Variants in GRIK1 observed in about 807,000 individuals in gnomAD.
GRIK1 encodes glutamate receptor ionotropic, kainate 1.
A neutral mutation model predicts 105.7 loss-of-function variants in GRIK1; 69 were observed. The observed-to-expected ratio is 0.65, with a 90% CI of 0.54 to 0.80. The LOEUF is 0.80. Ranked by LOEUF, GRIK1 falls within the 30% of genes least tolerant of loss-of-function variation. The pLI is 0.00. For missense variants in GRIK1, 1,109 were observed against 1,167.3 expected (o/e 0.95, Z 0.73); for synonymous variants, 438 against 431.3 (o/e 1.02, Z -0.19).
chr21:29,642,875 C>CT lies in GRIK1; in HGVS notation c.1048dup (p.Arg350LysfsTer3). On this transcript the variant is annotated frameshift_variant, in exon 7 of 18. Transcript: ENST00000327783. LOFTEE classifies it high-confidence loss of function. ...GGGTCCGAGGCGCCATGGCTTATGT[C>CT]TATGGCACTGCAGGGAGCTGACGGT... The CT allele has an allele frequency of 6.2e-7, 1 of 1,614,098 alleles. No homozygotes were observed. The highest frequency in any genetic ancestry group is 8.5e-7 in the Non-Finnish European group (1 of 1,179,942).
At chr21:29,665,507 C>A (rs1345211515) in intron 4 of GRIK1, among the ~76,000 whole-genome samples, 2 of 152,176 alleles carry the variant, frequency 1.3e-5, no homozygotes, top group Non-Finnish European at 2.9e-5. Flanking sequence ...ATGAACTTAT[C>A]AATTAACTGG....
chr21:29,745,968 G>C (rs967868878), intron 1 of GRIK1, among the ~76,000 whole-genome samples: 1 of 152,214 alleles, frequency 6.6e-6, no homozygotes, highest in African/African-American at 2.4e-5. Context: ...GCCAGGTGTG[G>C]TGGCGGGCGC....
intron 1 of GRIK1, among the ~76,000 whole-genome samples, chr21:29,700,584 C>G (rs1413914720): frequency 6.6e-6 from 1 of 152,132 alleles, no homozygotes; most frequent in Non-Finnish European, 1.5e-5. Flanking sequence ...ATGCCTGGCT[C>G]TAGGTCTCAC....
At chr21:29,879,538 C>T (rs1343365556) in intron 1 of GRIK1, among the ~76,000 whole-genome samples, 1 of 151,820 alleles carries the variant, frequency 6.6e-6, no homozygotes, top group Non-Finnish European at 1.5e-5. Flanking sequence ...TATTTTCTTT[C>T]CTATTTTTGT....
rs1399125298 is a variant in GRIK1 at position 29,673,005 on chromosome 21, G to C, written c.704C>G (p.Thr235Arg). The C allele has an allele frequency of 1.9e-6, 3 of 1,612,510 alleles. No individual in the cohort carries two copies. The highest frequency in any genetic ancestry group is 2.5e-6 in the Non-Finnish European group (3 of 1,179,062). ...FYVIFDCSHE[T>R]AAEILKQILF... is the part of the protein sequence containing the mutation. ...TACCTGCTTAAGGATTTCAGCGGCTGTTTCATGTGAACAATCAAATATCAC... is the reference window on the plus strand; with the variant it reads ...TACCTGCTTAAGGATTTCAGCGGCTCTTTCATGTGAACAATCAAATATCAC... The change falls in exon 4 of 18, where the codon ACA becomes AGA. Residue 235 changes from threonine to arginine, a missense_variant. Thr to Arg is a moderately conservative substitution (Grantham distance 71). Around this residue, in one of 5 missense-constraint regions of GRIK1, gnomAD observed 612 missense variants for 586.0 expected, o/e 1.04. Coordinates refer to ENST00000327783, the MANE Select transcript of GRIK1 (RefSeq NM_001330994.2).
intron 7 of GRIK1, among the ~76,000 whole-genome samples, chr21:29,618,366 G>T (rs2061900357): frequency 6.6e-6 from 1 of 152,146 alleles, no homozygotes; most frequent in Non-Finnish European, 1.5e-5. Flanking sequence ...AAAGTAGATG[G>T]TGGTGTGGAT....
chr21:29,566,392 T>G (rs1042946886), intron 14 of GRIK1, among the ~76,000 whole-genome samples: 13 of 152,216 alleles, frequency 8.5e-5, no homozygotes, highest in Admixed American at 8.5e-4. Context: ...GGATTTTTTC[T>G]TTTTAATCCT....
intron 1 of GRIK1, among the ~76,000 whole-genome samples, chr21:29,835,912 C>A (rs995731713): frequency 6.6e-6 from 1 of 152,140 alleles, no homozygotes; most frequent in Non-Finnish European, 1.5e-5. Flanking sequence ...GTAACCTGTT[C>A]CTCAACAGCA....
chr21:29,719,324 C>G (rs80027833), intron 1 of GRIK1, among the ~76,000 whole-genome samples: 2 of 151,484 alleles, frequency 1.3e-5, no homozygotes. Flanking sequence ...TATCACCCAC[C>G]CAAGACTTGA....
intron 1 of GRIK1, among the ~76,000 whole-genome samples, chr21:29,755,908 A>G (rs930996516): frequency 2.6e-5 from 4 of 152,178 alleles, no homozygotes; most frequent in Admixed American, 6.5e-5. Context: ...GAGCTGGCTT[A>G]GGTATTAGGG....
intron 1 of GRIK1, among the ~76,000 whole-genome samples, chr21:29,916,927 T>G (rs1374025182): frequency 6.6e-6 from 1 of 151,956 alleles, no homozygotes; most frequent in Non-Finnish European, 1.5e-5. Context: ...TTATGTAACA[T>G]TATAGATACA....
chr21:29,544,993 G>A (rs1390986199), intron 16 of GRIK1, among the ~76,000 whole-genome samples: 1 of 152,238 alleles, frequency 6.6e-6, no homozygotes, highest in African/African-American at 2.4e-5. Flanking sequence ...TCTGTCTCAG[G>A]CATTCAGAAG....
At chr21:29,919,220 C>A (rs2071107575) in intron 1 of GRIK1, among the ~76,000 whole-genome samples, 1 of 152,044 alleles carries the variant, frequency 6.6e-6, no homozygotes, top group African/African-American at 2.4e-5. Flanking sequence ...CTTGCACTGG[C>A]CAAAAGCAAT....
intron 1 of GRIK1, among the ~76,000 whole-genome samples, chr21:29,801,470 G>GA (rs547865612): frequency 2.0e-5 from 3 of 151,950 alleles, no homozygotes; most frequent in Non-Finnish European, 4.4e-5. Flanking sequence ...TTGAAATGTG[G>GA]AAAAAAGCCC....
intron 4 of GRIK1, among the ~76,000 whole-genome samples, chr21:29,671,100 T>C (rs576561347): frequency 3.2e-4 from 49 of 152,256 alleles, no homozygotes; most frequent in Middle Eastern, 3.4e-3. Context: ...AATGCAACTT[T>C]GTGTTCCCAA....
chr21:29,746,087 G>C (rs2065041823), intron 1 of GRIK1, among the ~76,000 whole-genome samples: 2 of 152,072 alleles, frequency 1.3e-5, no homozygotes, highest in Non-Finnish European at 2.9e-5. Context: ...CTGGGTGACA[G>C]AGCGGGACTC....
chr21:29,674,020 C>G (rs994343565), intron 3 of GRIK1, among the ~76,000 whole-genome samples: 4 of 151,794 alleles, frequency 2.6e-5, no homozygotes, highest in Admixed American at 1.3e-4. Flanking sequence ...TACGCTGCAC[C>G]TTGGCTCTCA....
intron 4 of GRIK1, among the ~76,000 whole-genome samples, chr21:29,672,136 C>A (rs569377798): frequency 6.6e-6 from 1 of 150,598 alleles, no homozygotes; most frequent in Admixed American, 6.6e-5. Flanking sequence ...CGTCTCACTG[C>A]AACCTCTGCC....
At chr21:29,545,532 C>G (rs1415987095) in intron 16 of GRIK1, among the ~76,000 whole-genome samples, 1 of 152,218 alleles carries the variant, frequency 6.6e-6, no homozygotes, top group Non-Finnish European at 1.5e-5. Context: ...ATAAAATAAA[C>G]TTCCAAGAAA....
Sources: gnomAD v4.1 joint callset for allele counts (sites outside exome capture counted in the v4.1 genomes callset) on GRCh38, gnomAD v4.1.1 for gene constraint, gnomAD v4.1.1 regional missense constraint, MANE v1.5 for transcripts, NCBI Gene and HGNC (gene_info 2026-07-23, HGNC 2026-07-21) for gene names.